PCSK2: variants seen among roughly 807,000 people sequenced by gnomAD.
The protein encoded by PCSK2 is proprotein convertase subtilisin/kexin type 2, also known as neuroendocrine convertase 2.
A neutral mutation model predicts 69.7 loss-of-function variants in PCSK2; 14 were observed. The observed-to-expected ratio is 0.20, with a 90% CI of 0.13 to 0.31. The LOEUF (loss-of-function observed/expected upper bound fraction) is 0.31, where lower values mean the gene tolerates loss of function less well. Ranked by LOEUF, PCSK2 falls within the 10% of genes least tolerant of loss-of-function variation. The pLI, the probability that PCSK2 is intolerant of heterozygous loss-of-function variation, is 1.00. For missense variants in PCSK2, 544 were observed against 842.5 expected (o/e 0.65, Z 4.39); for synonymous variants, 307 against 320.7 (o/e 0.96, Z 0.46).
At chr20:17,267,646 T>C (rs2123015730) in intron 2 of PCSK2, among the ~76,000 whole-genome samples, 2 of 152,054 alleles carry the variant, frequency 1.3e-5, no homozygotes, top group East Asian at 3.8e-4. Flanking sequence ...AAGCCTGGTT[T>C]TTTTCTAGAT....
intron 5 of PCSK2, among the ~76,000 whole-genome samples, chr20:17,370,666 C>T (rs951893612): frequency 2.0e-5 from 3 of 152,154 alleles, no homozygotes; most frequent in Non-Finnish European, 4.4e-5. Context: ...ATGGTGCCTT[C>T]CCTACTGAAC....
chr20:17,297,952 T>C (rs2123081165), intron 2 of PCSK2, among the ~76,000 whole-genome samples: 1 of 152,334 alleles, frequency 6.6e-6, no homozygotes, highest in East Asian at 1.9e-4. Flanking sequence ...TTTCTATGTA[T>C]TATCAAAACA....
At chr20:17,321,945 G>C (rs1042895526) in intron 2 of PCSK2, among the ~76,000 whole-genome samples, 3 of 152,072 alleles carry the variant, frequency 2.0e-5, no homozygotes, top group Non-Finnish European at 4.4e-5. Flanking sequence ...TTCATGCTTT[G>C]AAAATCTCTC....
At chr20:17,429,136 A>G (rs901479692) in intron 6 of PCSK2, among the ~76,000 whole-genome samples, 11 of 151,872 alleles carry the variant, frequency 7.2e-5, no homozygotes, top group Admixed American at 2.0e-4. Flanking sequence ...TTGGGTCTGA[A>G]AACACAGCCT....
chr20:17,442,909 T>C (rs1490365502), intron 8 of PCSK2, among the ~76,000 whole-genome samples: 7 of 152,242 alleles, frequency 4.6e-5, no homozygotes, highest in Non-Finnish European at 1.0e-4. Context: ...ACAGCCACCC[T>C]TGCCTTCATG....
chr20:17,482,098 C>T lies in PCSK2; in HGVS notation c.*28C>T, dbSNP rs1360874014. The stretch of plus-strand genomic sequence containing the variant: ...CTGCACATCCGCCTTTCCCACCGCC[C>T]TCCCTCCCCAGCTCCGCCTCTGTCC... On this transcript the variant is annotated 3_prime_UTR_variant, in exon 12 of 12. Coordinates refer to ENST00000262545, the MANE Select transcript of PCSK2 (RefSeq NM_002594.5). The T allele has an allele frequency of 6.5e-7, 1 of 1,528,268 alleles. No homozygotes were observed. Among genetic ancestry groups the T allele is most frequent in the African/African-American group, 1.4e-5 (1 of 72,652 alleles). The allele number at this position is 1,528,268 out of a possible 1,614,324, so 94.7% of individuals were successfully genotyped here. A position where few individuals can be genotyped will look rare whatever the true frequency, so the allele number is the denominator to read the frequency against.
rs761428030 is a variant in PCSK2, at chr20:17,360,547, G to A, written c.412G>A (p.Ala138Thr). 8 of 1,610,632 alleles carry A rather than the reference G, an allele frequency of 5.0e-6. No individual in the cohort carries two copies. The South Asian group carries it at 8.8e-5, about 18-fold the overall frequency. Residue 138 changes from alanine (A) to threonine (T), a missense_variant, in exon 4 of 12, where the codon GCT becomes ACT. This residue lies in a region of PCSK2 where 187 missense variants were observed against 399.8 expected (regional missense o/e 0.47). Transcript: ENST00000262545. ...CCTGTACCAGATCAATACTGGGCAA[G>A]CTGATGGCACTCCTGGCCTTGATTT... Reference protein sequence around the residue: ...KQWYLINTGQADGTPGLDLNV... With the variant: ...KQWYLINTGQTDGTPGLDLNV...
At chr20:17,360,889 C>T (rs2030369649) in intron 4 of PCSK2, among the ~76,000 whole-genome samples, 1 of 152,088 alleles carries the variant, frequency 6.6e-6, no homozygotes, top group African/African-American at 2.4e-5. Context: ...TAAATGAAAG[C>T]TGCCTATCAC....
intron 1 of PCSK2, among the ~76,000 whole-genome samples, chr20:17,256,079 A>G (rs1568571792): frequency 6.6e-6 from 1 of 152,196 alleles, no homozygotes; most frequent in African/African-American, 2.4e-5. Flanking sequence ...GATTAGTAGA[A>G]TTCATCAGTA....
intron 4 of PCSK2, among the ~76,000 whole-genome samples, chr20:17,362,052 G>T (rs1372744767): frequency 2.0e-5 from 3 of 152,188 alleles, no homozygotes; most frequent in Non-Finnish European, 4.4e-5. Context: ...CCTAAAAGTG[G>T]CACTAAAGTG....
At chr20:17,314,600 G>C (rs372303789) in intron 2 of PCSK2, among the ~76,000 whole-genome samples, 1 of 152,202 alleles carries the variant, frequency 6.6e-6, no homozygotes, top group African/African-American at 2.4e-5. Flanking sequence ...TAGCTTGTCT[G>C]TGAAATTGGG....
intron 2 of PCSK2, among the ~76,000 whole-genome samples, chr20:17,336,381 C>A (rs574245771): frequency 1.3e-5 from 2 of 152,262 alleles, no homozygotes; most frequent in Admixed American, 6.5e-5. Flanking sequence ...GAGGAATTAA[C>A]CAAATACCTT....
At position 17,453,730 on chromosome 20, in the gene PCSK2, T is replaced by TGCTC. The variant is rs759317487; in HGVS notation, c.886-11_886-8dup. 2 of 1,611,834 alleles carry TGCTC rather than the reference T, an allele frequency of 1.2e-6. No individual in the cohort carries two copies. The highest frequency in any genetic ancestry group is 1.7e-6 in the Non-Finnish European group (2 of 1,179,752). Reference sequence around the variant, plus strand: ...CTGTGGGTAGCGGCAGCGTCTCCCCTGCTCTCCCCAGGGCCGCGGCGGCAA... The same window carrying TGCTC: ...CTGTGGGTAGCGGCAGCGTCTCCCCTGCTCGCTCTCCCCAGGGCCGCGGCGGCAA... On this transcript the variant is annotated splice_polypyrimidine_tract_variant and intron_variant, in intron 8 of 11. Transcript: ENST00000262545. The surrounding 1 kb of genome is among the most constrained non-coding windows in gnomAD (Gnocchi z 4.0).
In PCSK2 at chr20:17,347,259, G is replaced by A. The variant is rs114281421; in HGVS notation, c.283-11068G>A. ...TCCTGCTCAAGGAAGCAATTAAGCCGGCACACTCCCTGTCTGCTGCCTGCT... is the reference window on the plus strand; with the variant it reads ...TCCTGCTCAAGGAAGCAATTAAGCCAGCACACTCCCTGTCTGCTGCCTGCT... On this transcript the variant is annotated intron_variant, in intron 2 of 11. Transcript: ENST00000262545. 3.7e-3 allele frequency among the ~76,000 whole-genome samples: 567 copies of A among 152,230 alleles called. 1 individual carries two copies. Among genetic ancestry groups the A allele is most frequent in the African/African-American group, 0.013 (539 of 41,550 alleles).
intron 5 of PCSK2, among the ~76,000 whole-genome samples, chr20:17,390,979 A>G (rs2031356783): frequency 6.6e-6 from 1 of 152,128 alleles, no homozygotes; most frequent in Non-Finnish European, 1.5e-5. Context: ...ATATTCCGTC[A>G]TTTGTTTAAC....
chr20:17,257,476 A>G (rs533896150), intron 1 of PCSK2, among the ~76,000 whole-genome samples: 14 of 152,324 alleles, frequency 9.2e-5, no homozygotes, highest in African/African-American at 3.4e-4. Context: ...ATGCACACAT[A>G]TGTTTATTTC....
At chr20:17,285,602 T>C (rs1988484810) in intron 2 of PCSK2, among the ~76,000 whole-genome samples, 1 of 152,234 alleles carries the variant, frequency 6.6e-6, no homozygotes, top group Admixed American at 6.5e-5. Flanking sequence ...AATTCTTCAG[T>C]AGACTGTATT....
intron 5 of PCSK2, among the ~76,000 whole-genome samples, chr20:17,407,259 G>A (rs750954128): frequency 6.6e-6 from 1 of 152,186 alleles, no homozygotes; most frequent in East Asian, 1.9e-4. Context: ...CACTCCAACA[G>A]CACACCTCAG....
intron 2 of PCSK2, among the ~76,000 whole-genome samples, chr20:17,300,873 A>G (rs1989058373): frequency 6.6e-6 from 1 of 152,230 alleles, no homozygotes; most frequent in Non-Finnish European, 1.5e-5. Flanking sequence ...GTGTAATAGT[A>G]AGTGCTCTCA....
Sources: allele counts gnomAD v4.1 joint callset (sites outside exome capture counted in the v4.1 genomes callset), GRCh38; gene constraint gnomAD v4.1.1; regional missense constraint gnomAD v4.1.1; non-coding constraint Gnocchi (gnomAD v3.1); transcripts MANE v1.5; gene names NCBI Gene and HGNC (gene_info 2026-07-23, HGNC 2026-07-21).